AR: variants seen among roughly 807,000 people sequenced by gnomAD.
AR encodes androgen receptor.
Under a neutral mutation model 53.9 loss-of-function variants are expected in AR, and 8 were observed. The observed-to-expected ratio is 0.15, with a 90% CI of 0.09 to 0.27. The LOEUF is 0.27. AR is among the 10% of genes least tolerant of loss of function. The pLI, the probability that AR is intolerant of heterozygous loss-of-function variation, is 1.00. For synonymous variants in AR, 359 were observed against 316.4 expected (o/e 1.13, Z -1.43); for missense variants, 639 against 742.5 (o/e 0.86, Z 1.62).
At chrX:67,586,771 G>C (rs922825630) in intron 1 of AR, among the ~76,000 whole-genome samples, 2 of 111,933 alleles carry the variant, frequency 1.8e-5, no homozygotes, top group African/African-American at 3.3e-5. Flanking sequence ...TTCAGTGTAA[G>C]AGTGGCCCCA....
intron 1 of AR, among the ~76,000 whole-genome samples, chrX:67,635,759 C>A (rs1925401697): frequency 1.8e-5 from 2 of 111,087 alleles, no homozygotes; most frequent in African/African-American, 6.5e-5. Context: ...GTTCAGAAAC[C>A]TTCCGTTCTA....
chrX:67,679,623 C>T (rs1344236076), intron 2 of AR, among the ~76,000 whole-genome samples: 1 of 111,615 alleles, frequency 9.0e-6, no homozygotes, highest in Non-Finnish European at 1.9e-5. Context: ...TTCACCAACA[C>T]GTAGTATTTA....
chrX:67,655,970 T>G (rs1456147254), intron 2 of AR, among the ~76,000 whole-genome samples: 2 of 111,829 alleles, frequency 1.8e-5, no homozygotes, highest in African/African-American at 6.5e-5. Flanking sequence ...TACGGATAAT[T>G]TGATAGTAGT....
chrX:67,644,396 G>A (rs1342914018), intron 2 of AR, among the ~76,000 whole-genome samples: 1 of 111,853 alleles, frequency 8.9e-6, no homozygotes, highest in Admixed American at 9.5e-5. Context: ...TTCCTGCCAA[G>A]GCCTTTCTCT....
intron 2 of AR, among the ~76,000 whole-genome samples, chrX:67,676,367 C>CA: frequency 8.9e-6 from 1 of 112,124 alleles, no homozygotes; most frequent in Non-Finnish European, 1.9e-5. Flanking sequence ...TTTTGTTTAT[C>CA]ACCACAAAAA....
intron 3 of AR, among the ~76,000 whole-genome samples, chrX:67,704,887 A>G (rs1471861466): frequency 8.9e-6 from 1 of 111,928 alleles, no homozygotes; most frequent in East Asian, 2.8e-4. Flanking sequence ...TCACAGCACC[A>G]TTTGTTAAAT....
At chrX:67,721,089 G>C (rs1471042974) in intron 5 of AR, among the ~76,000 whole-genome samples, 2 of 111,557 alleles carry the variant, frequency 1.8e-5, no homozygotes, top group Admixed American at 9.5e-5. Context: ...GTTCAGAAGT[G>C]ACTATAATAA....
chrX:67,705,629 C>A (rs1314901225), intron 3 of AR, among the ~76,000 whole-genome samples: 5 of 111,318 alleles, frequency 4.5e-5, no homozygotes. Flanking sequence ...TAATTGAATA[C>A]CCTTTATTTC....
At chrX:67,643,447 C>T (rs763442160) in intron 2 of AR, 40 bp downstream of exon 2, 3 of 1,178,930 alleles carry the variant, frequency 2.5e-6, no homozygotes, top group South Asian at 3.7e-5. Flanking sequence ...TCCCTTTCTC[C>T]TTTACCTTCC....
intron 2 of AR, among the ~76,000 whole-genome samples, chrX:67,662,479 A>C (rs1226129589): frequency 9.0e-6 from 1 of 111,413 alleles, no homozygotes; most frequent in Non-Finnish European, 1.9e-5. Context: ...TAGGTTGTTC[A>C]GTTTCCATGT....
chrX:67,720,469 A>T, intron 5 of AR, among the ~76,000 whole-genome samples: 1 of 111,967 alleles, frequency 8.9e-6, no homozygotes, highest in Non-Finnish European at 1.9e-5. Context: ...CAGAGGTGGG[A>T]AAGTACATTG....
At chrX:67,707,710 G>A (rs923481754) in intron 3 of AR, among the ~76,000 whole-genome samples, 9 of 111,757 alleles carry the variant, frequency 8.1e-5, no homozygotes, top group African/African-American at 1.3e-4. Context: ...TCTTTTGCTC[G>A]TTGGTTGATG....
rs1929618173 is a variant in AR, at chrX:67,544,610, G to A, written c.-537G>A. The A allele has an allele frequency of 1.8e-5, 3 of 168,847 alleles. No individual in the cohort carries two copies. Among genetic ancestry groups the A allele is most frequent in the Non-Finnish European group, 3.3e-5 (3 of 89,899 alleles). 13.9% of individuals were successfully genotyped at this position (168,847 alleles called of 1,213,427 possible). On this transcript the variant is annotated 5_prime_UTR_variant, in exon 1 of 8. Coordinates refer to ENST00000374690, the MANE Select transcript of AR (RefSeq NM_000044.6). ...TCAGCACTGCAGCCACGACCCGCCT[G>A]GTTAGGCTGCACGCGGAGAGAACCC...
chrX:67,627,754 G>A (rs1272566244), intron 1 of AR, among the ~76,000 whole-genome samples: 2 of 111,534 alleles, frequency 1.8e-5, no homozygotes, highest in African/African-American at 6.5e-5. Context: ...TTCTTCTAGG[G>A]TTTTTATGGT....
rs752341729 is a variant in AR, at chrX:67,544,630, G to T, written c.-517G>T. On this transcript the variant is annotated 5_prime_UTR_variant, in exon 1 of 8. Transcript: ENST00000374690. The stretch of plus-strand genomic sequence containing the variant: ...CGCCTGGTTAGGCTGCACGCGGAGA[G>T]AACCCTCTGTTTTCCCCCACTCTCT... The T allele has an allele frequency of 4.2e-5, 7 of 168,278 alleles. No individual in the cohort carries two copies. The East Asian group carries it at 5.0e-4, about 12-fold the overall frequency. 13.9% of individuals were successfully genotyped at this position (168,278 alleles called of 1,213,427 possible).
At chrX:67,721,722 C>T (rs1457760061) in intron 5 of AR, 111 bp from the exon 6 acceptor site, 1 of 1,038,409 alleles carries the variant, frequency 9.6e-7, no homozygotes, top group Non-Finnish European at 1.3e-6. Flanking sequence ...GCAGGAGAAA[C>T]AGCAAGCTCT....
In AR at chrX:67,694,492, G is replaced by A. The variant is rs191408597; in HGVS notation, c.1885+8366G>A. On this transcript the variant is annotated intron_variant, in intron 3 of 7. Coordinates refer to ENST00000374690, the MANE Select transcript of AR (RefSeq NM_000044.6). ...TTTTCCATTTCCCCATCTCACTTCT[G>A]TCTTACAAGTGGATAGGAAAAGAAA... Among the ~76,000 whole-genome samples, 7 of 110,472 alleles carry A rather than the reference G, an allele frequency of 6.3e-5. No homozygotes were observed. The East Asian group carries it at 1.4e-3, about 23-fold the overall frequency.
At chrX:67,678,233 C>G (rs1431467914) in intron 2 of AR, among the ~76,000 whole-genome samples, 2 of 111,426 alleles carry the variant, frequency 1.8e-5, no homozygotes, top group Non-Finnish European at 3.8e-5. Context: ...AAGAGAAGTT[C>G]CCAGTTTCCT....
intron 1 of AR, among the ~76,000 whole-genome samples, chrX:67,565,534 C>T (rs1569270582): frequency 9.0e-6 from 1 of 111,676 alleles, no homozygotes; most frequent in Non-Finnish European, 1.9e-5. Context: ...TGAAATCTAC[C>T]AAGTACTTTC....
Sources: allele counts gnomAD v4.1 joint callset (sites outside exome capture counted in the v4.1 genomes callset), GRCh38; gene constraint gnomAD v4.1.1; transcripts MANE v1.5; gene names NCBI Gene and HGNC (gene_info 2026-07-23, HGNC 2026-07-21).